SLC25A26: variants seen among roughly 807,000 people sequenced by gnomAD.
SLC25A26 encodes the protein mitochondrial S-adenosylmethionine carrier protein.
SLC25A26 carries 36 observed loss-of-function variants against 37.8 expected under a neutral mutation model. That is an observed-to-expected ratio of 0.95 (90% CI 0.73 to 1.26). The LOEUF (loss-of-function observed/expected upper bound fraction) is 1.26. SLC25A26 is among the 50% of genes most tolerant of loss of function. The pLI, the probability that SLC25A26 is intolerant of heterozygous loss-of-function variation, is 0.00. For synonymous variants in SLC25A26, 129 were observed against 122.5 expected (o/e 1.05, Z -0.35); for missense variants, 390 against 331.1 (o/e 1.18, Z -1.38).
chr3:66,148,312 A>G (rs1208765284), intron 1 of SLC25A26, among the ~76,000 whole-genome samples: 2 of 152,156 alleles, frequency 1.3e-5, no homozygotes, highest in Non-Finnish European at 2.9e-5. Context: ...GGGTTAAGGA[A>G]CCACCAGGGC....
chr3:66,352,872 C>G (rs982366549), intron 6 of SLC25A26, among the ~76,000 whole-genome samples: 22 of 152,326 alleles, frequency 1.4e-4, no homozygotes, highest in South Asian at 8.3e-4. Flanking sequence ...GTCTACCCCT[C>G]TCCAAAGTAG....
At chr3:66,299,037 A>T (rs2074992320) in intron 5 of SLC25A26, among the ~76,000 whole-genome samples, 1 of 151,914 alleles carries the variant, frequency 6.6e-6, no homozygotes, top group Admixed American at 6.6e-5. Context: ...TTGAAAAGGG[A>T]CCCTTGGTTT....
intron 1 of SLC25A26, among the ~76,000 whole-genome samples, chr3:66,178,746 A>G (rs2070638368): frequency 6.6e-6 from 1 of 152,234 alleles, no homozygotes. Context: ...AGAGATGGAA[A>G]TTGTTTTAAA....
chr3:66,198,284 A>G (rs943298255), intron 1 of SLC25A26, among the ~76,000 whole-genome samples: 43 of 152,140 alleles, frequency 2.8e-4, no homozygotes, highest in African/African-American at 9.9e-4. Flanking sequence ...ACTCAGCCTG[A>G]CACTGAGCCT....
chr3:66,368,697 T>C (rs904028634), intron 7 of SLC25A26, among the ~76,000 whole-genome samples: 1 of 152,170 alleles, frequency 6.6e-6, no homozygotes, highest in Non-Finnish European at 1.5e-5. Context: ...ACAGAAATGA[T>C]AGACGCATTT....
At chr3:66,204,339 T>C (rs1300770010) in intron 1 of SLC25A26, among the ~76,000 whole-genome samples, 1 of 140,776 alleles carries the variant, frequency 7.1e-6, no homozygotes, top group African/African-American at 2.6e-5. Context: ...GGCAGGAGAA[T>C]GGAGTGAACC....
intron 5 of SLC25A26, among the ~76,000 whole-genome samples, chr3:66,281,555 T>A (rs1294232193): frequency 1.3e-5 from 2 of 152,110 alleles, no homozygotes. Context: ...AAAATCCCCA[T>A]GGACTCATGG....
At chr3:66,308,298 T>G (rs1327599839) in intron 5 of SLC25A26, among the ~76,000 whole-genome samples, 1 of 152,222 alleles carries the variant, frequency 6.6e-6, no homozygotes, top group Non-Finnish European at 1.5e-5. Context: ...TTTGGCTCTC[T>G]GATTGTCTGT....
At chr3:66,306,700 C>T (rs145628988) in intron 5 of SLC25A26, among the ~76,000 whole-genome samples, 35 of 152,268 alleles carry the variant, frequency 2.3e-4, no homozygotes, top group Admixed American at 1.6e-3. Flanking sequence ...TGTTCCCCTC[C>T]CTGGGTCCAT....
chr3:66,231,378 A>AG (rs36170672), intron 1 of SLC25A26, among the ~76,000 whole-genome samples: 1 of 151,894 alleles, frequency 6.6e-6, no homozygotes, highest in Non-Finnish European at 1.5e-5. Flanking sequence ...TTTTTTCCCC[A>AG]GGGGAAGCAT....
chr3:66,351,771 A>G (rs1180373263), intron 6 of SLC25A26, among the ~76,000 whole-genome samples: 1 of 152,166 alleles, frequency 6.6e-6, no homozygotes, highest in East Asian at 1.9e-4. Context: ...AAACTTAAGA[A>G]TGATTCCAGA....
intron 5 of SLC25A26, among the ~76,000 whole-genome samples, chr3:66,312,375 C>T (rs759812793): frequency 6.6e-6 from 1 of 152,130 alleles, no homozygotes; most frequent in Non-Finnish European, 1.5e-5. Context: ...GAATGCTTTG[C>T]TGGCAGCAAG....
intron 7 of SLC25A26, among the ~76,000 whole-genome samples, chr3:66,364,657 A>C (rs1020787494): frequency 3.3e-5 from 5 of 152,242 alleles, no homozygotes; most frequent in Non-Finnish European, 7.3e-5. Context: ...TGTACTCTGC[A>C]AAACCGAGTC....
At chr3:66,341,016 G>T (rs995363193) in intron 5 of SLC25A26, among the ~76,000 whole-genome samples, 1 of 151,940 alleles carries the variant, frequency 6.6e-6, no homozygotes, top group Non-Finnish European at 1.5e-5. Context: ...TTTGTAAATG[G>T]GGACAGTTTT....
intron 5 of SLC25A26, among the ~76,000 whole-genome samples, chr3:66,276,356 G>T (rs1038578663): frequency 1.3e-5 from 2 of 152,060 alleles, no homozygotes; most frequent in Non-Finnish European, 2.9e-5. Context: ...TCCTGTTTGT[G>T]TCTTGCAGAT....
intron 1 of SLC25A26, among the ~76,000 whole-genome samples, chr3:66,188,537 C>G (rs2070873857): frequency 6.6e-6 from 1 of 152,132 alleles, no homozygotes; most frequent in Admixed American, 6.5e-5. Context: ...CTCACTCCCT[C>G]TCTCTCCATG....
chr3:66,142,636 T>G (rs1328565703), intron 1 of SLC25A26, among the ~76,000 whole-genome samples: 1 of 152,222 alleles, frequency 6.6e-6, no homozygotes, highest in Non-Finnish European at 1.5e-5. Flanking sequence ...CCAATGGTAC[T>G]GCTGCCTGAC....
At chr3:66,269,061 C>T (rs1445917181) in intron 5 of SLC25A26, among the ~76,000 whole-genome samples, 1 of 152,170 alleles carries the variant, frequency 6.6e-6, no homozygotes, top group African/African-American at 2.4e-5. Context: ...CAGCTCTGTC[C>T]CTTACCAGCC....
chr3:66,274,542 A>C (rs1202807140), intron 5 of SLC25A26, among the ~76,000 whole-genome samples: 1 of 152,192 alleles, frequency 6.6e-6, no homozygotes, highest in Non-Finnish European at 1.5e-5. Flanking sequence ...ATGAACTCAA[A>C]CAAATTTACA....
Sources: allele counts gnomAD v4.1 joint callset (sites outside exome capture counted in the v4.1 genomes callset), GRCh38; gene constraint gnomAD v4.1.1; transcripts MANE v1.5; gene names NCBI Gene and HGNC (gene_info 2026-07-23, HGNC 2026-07-21).